Variants in AGPAT1 observed in about 807,000 individuals in gnomAD.
The protein encoded by AGPAT1 is 1-acylglycerol-3-phosphate O-acyltransferase 1, also known as 1-acyl-sn-glycerol-3-phosphate acyltransferase alpha.
AGPAT1 carries 6 observed loss-of-function variants against 31.2 expected under a neutral mutation model. That is an observed-to-expected ratio of 0.19 (90% confidence interval 0.11 to 0.38). The LOEUF is 0.38. Among genes scored for constraint, AGPAT1 ranks in the 10% least tolerant of loss-of-function variants. AGPAT1 has a pLI of 1.00. For synonymous variants in AGPAT1, 139 were observed against 154.0 expected, an observed-to-expected ratio of 0.90 and a Z score of 0.72; for missense variants, 187 against 377.8, an observed-to-expected ratio of 0.49 and a Z score of 4.19.
At position 32,168,740 on chromosome 6, in the gene AGPAT1, G is replaced by A. The variant is rs1358232220; in HGVS notation, c.*536C>T. 6.4e-6 allele frequency: 1 copy of A among 155,376 alleles called. No homozygotes were observed. The highest frequency in any genetic ancestry group is 1.4e-5 in the Non-Finnish European group (1 of 69,978). 9.6% of individuals were successfully genotyped at this position (155,376 alleles called of 1,614,324 possible). On this transcript the variant is annotated 3_prime_UTR_variant, in exon 7 of 7. Coordinates refer to ENST00000375107, the MANE Select transcript of AGPAT1 (RefSeq NM_006411.4). The surrounding 1 kb of genome is among the most constrained non-coding windows in gnomAD (Gnocchi z 4.5). ...CACTGACAGGAGGCTACACTGGGAG[G>A]GAAGGTGAAGGTGCTGAGGAAAGCT...
chr6:32,170,638 G>C lies in AGPAT1; in HGVS notation c.335-38C>G. ...GGGAGTGGGTGAGGATCGGGGTGGAGGCAGAGTGTCACAGAAGGCAACCCA... is the reference window on the plus strand; with the variant it reads ...GGGAGTGGGTGAGGATCGGGGTGGACGCAGAGTGTCACAGAAGGCAACCCA... On this transcript the variant is annotated intron_variant, in intron 3 of 6. Coordinates refer to ENST00000375107, the MANE Select transcript of AGPAT1 (RefSeq NM_006411.4). The surrounding 1 kb of genome is among the most constrained non-coding windows in gnomAD (Gnocchi z 7.7). 6.2e-7 allele frequency: 1 copy of C among 1,602,860 alleles called. No individual in the cohort carries two copies. Among genetic ancestry groups the C allele is most frequent in the Non-Finnish European group, 8.5e-7 (1 of 1,178,076 alleles).
At position 32,175,839 on chromosome 6, in the gene AGPAT1, G is replaced by A; in HGVS notation, c.-35C>T. On this transcript the variant is annotated 5_prime_UTR_variant, in exon 1 of 7. Coordinates refer to ENST00000375107, the MANE Select transcript of AGPAT1 (RefSeq NM_006411.4). The surrounding 1 kb of genome is among the most constrained non-coding windows in gnomAD (Gnocchi z 4.5). ...CTCAGAGGGGTAGGGGGCCTGGGGGGCTGGCCCCCTCCCCAGCCAGGCTGC... is the reference window on the plus strand; with the variant it reads ...CTCAGAGGGGTAGGGGGCCTGGGGGACTGGCCCCCTCCCCAGCCAGGCTGC... The A allele has an allele frequency of 6.1e-6, 6 of 985,966 alleles. No homozygotes were observed. The highest frequency in any genetic ancestry group is 7.2e-6 in the Non-Finnish European group (6 of 830,354). The allele number at this position is 985,966 out of a possible 1,614,324, so 61.1% of individuals were successfully genotyped here.
In AGPAT1 at chr6:32,168,250, C is replaced by G; in HGVS notation, c.*1026G>C. Reference sequence around the variant, plus strand: ...TTATTTTCAGTTTTTTTGCTGTTATCCAGATAATTAATAAAAACCAACCAC... The same window carrying G: ...TTATTTTCAGTTTTTTTGCTGTTATGCAGATAATTAATAAAAACCAACCAC... On this transcript the variant is annotated 3_prime_UTR_variant, in exon 7 of 7. Coordinates refer to ENST00000375107, the MANE Select transcript of AGPAT1 (RefSeq NM_006411.4). The surrounding 1 kb of genome is among the most constrained non-coding windows in gnomAD (Gnocchi z 4.5). 1 of 430,836 alleles carries G rather than the reference C, an allele frequency of 2.3e-6. No homozygotes were observed. Among genetic ancestry groups the G allele is most frequent in the East Asian group, 3.6e-5 (1 of 27,752 alleles). The allele number at this position is 430,836 out of a possible 1,614,324, so 26.7% of individuals were successfully genotyped here.
rs2127415918 is a variant in AGPAT1 at position 32,171,582 on chromosome 6, C to T, written c.-9-77G>A. On this transcript the variant is annotated intron_variant, in intron 1 of 6. Coordinates refer to ENST00000375107, the MANE Select transcript of AGPAT1 (RefSeq NM_006411.4). This position sits in a 1 kb window ranked among gnomAD's most constrained non-coding sequence, Gnocchi z 6.9. ...GGTAGGCAAGGCACAGAAGGCAGGG[C>T]TGGGGGCTGGTGCTATGAGGACAAG... 2 of 1,518,990 alleles carry T rather than the reference C, an allele frequency of 1.3e-6. No homozygotes were observed. Among genetic ancestry groups the T allele is most frequent in the South Asian group, 2.4e-5 (2 of 82,562 alleles). The allele number at this position is 1,518,990 out of a possible 1,614,324, so 94.1% of individuals were successfully genotyped here. A position where few individuals can be genotyped will look rare whatever the true frequency, so the allele number is the denominator to read the frequency against.
chr6:32,169,559 C>A lies in AGPAT1; in HGVS notation c.680-111G>T. ...CAACCTTTCAGTTCTCTTCCCCCAACCCTGGACAACCATCCCTGGGCTTGC... is the reference window on the plus strand; with the variant it reads ...CAACCTTTCAGTTCTCTTCCCCCAAACCTGGACAACCATCCCTGGGCTTGC... On this transcript the variant is annotated intron_variant, in intron 6 of 6. Coordinates refer to ENST00000375107, the MANE Select transcript of AGPAT1 (RefSeq NM_006411.4). This position sits in a 1 kb window ranked among gnomAD's most constrained non-coding sequence, Gnocchi z 5.9. The A allele has an allele frequency of 7.5e-7, 1 of 1,336,716 alleles. No homozygotes were observed. Among genetic ancestry groups the A allele is most frequent in the Admixed American group, 2.1e-5 (1 of 47,950 alleles). The allele number at this position is 1,336,716 out of a possible 1,614,324, so 82.8% of individuals were successfully genotyped here.
In AGPAT1 at chr6:32,170,371, A is replaced by G; in HGVS notation, c.510+54T>C. On this transcript the variant is annotated intron_variant, in intron 4 of 6. Coordinates refer to ENST00000375107, the MANE Select transcript of AGPAT1 (RefSeq NM_006411.4). This position sits in a 1 kb window ranked among gnomAD's most constrained non-coding sequence, Gnocchi z 7.7. The stretch of plus-strand genomic sequence containing the variant: ...ACTGGCCCTGCATATCAGTTTATTT[A>G]CAACTGTTCTACTCTGTATCCCTCC... The G allele has an allele frequency of 6.2e-7, 1 of 1,612,564 alleles. No homozygotes were observed. Among genetic ancestry groups the G allele is most frequent in the Middle Eastern group, 1.7e-4 (1 of 6,060 alleles).
chr6:32,176,495 C>A (rs1582680397), upstream of AGPAT1: 4 of 985,520 alleles, frequency 4.1e-6, no homozygotes, highest in East Asian at 1.1e-4. Context: ...AAACATTTAT[C>A]AAGCATCTAC....
Position 32,174,371 on chromosome 6 carries a change from G to C in AGPAT1, c.-10+1443C>G, listed in dbSNP as rs563827769. 6.6e-6 allele frequency among the ~76,000 whole-genome samples: 1 copy of C among 152,142 alleles called. No homozygotes were observed. Among genetic ancestry groups the C allele is most frequent in the African/African-American group, 2.4e-5 (1 of 41,414 alleles). On this transcript the variant is annotated intron_variant, in intron 1 of 6. Transcript: ENST00000375107. This position sits in a 1 kb window ranked among gnomAD's most constrained non-coding sequence, Gnocchi z 4.5. The stretch of plus-strand genomic sequence containing the variant: ...GAACACACCAAGCCTAATGGTAACC[G>C]ACTCTGAATAGATACATGCAATACA...
chr6:32,171,576 G>A lies in AGPAT1; in HGVS notation c.-9-71C>T. On this transcript the variant is annotated intron_variant, in intron 1 of 6. Coordinates refer to ENST00000375107, the MANE Select transcript of AGPAT1 (RefSeq NM_006411.4). This position sits in a 1 kb window ranked among gnomAD's most constrained non-coding sequence, Gnocchi z 6.9. ...GAGTGGGGTAGGCAAGGCACAGAAG[G>A]CAGGGCTGGGGGCTGGTGCTATGAG... 1 of 1,525,276 alleles carries A rather than the reference G, an allele frequency of 6.6e-7. No homozygotes were observed. The highest frequency in any genetic ancestry group is 8.8e-7 in the Non-Finnish European group (1 of 1,139,692). 94.5% of individuals were successfully genotyped at this position (1,525,276 alleles called of 1,614,324 possible). A position where few individuals can be genotyped will look rare whatever the true frequency, so the allele number is the denominator to read the frequency against.
Position 32,171,183 on chromosome 6 carries a change from C to G in AGPAT1, c.201-113G>C. ...CACCTTTGCAGTCCTCTCCCCATTC[C>G]CTGTCTCTGGTCTCTCTCAGTCTTT... On this transcript the variant is annotated intron_variant, in intron 2 of 6. Coordinates refer to ENST00000375107, the MANE Select transcript of AGPAT1 (RefSeq NM_006411.4). This position sits in a 1 kb window ranked among gnomAD's most constrained non-coding sequence, Gnocchi z 6.9. The G allele has an allele frequency of 4.4e-6, 7 of 1,591,864 alleles. No individual in the cohort carries two copies. In the South Asian group the frequency reaches 4.5e-5, roughly 10 times the overall value.
At position 32,173,323 on chromosome 6, in the gene AGPAT1, G is replaced by T. The variant is rs187348413; in HGVS notation, c.-9-1818C>A. On this transcript the variant is annotated intron_variant, in intron 1 of 6. Transcript: ENST00000375107. This position sits in a 1 kb window ranked among gnomAD's most constrained non-coding sequence, Gnocchi z 4.7. ...AGGTAAGCCTATTGCCAAGCGAGAA[G>T]GTAACAGGCAATAGAGGAAACAGGA... Among the ~76,000 whole-genome samples, 1 of 152,188 alleles carries T rather than the reference G, an allele frequency of 6.6e-6. No homozygotes were observed. The highest frequency in any genetic ancestry group is 2.4e-5 in the African/African-American group (1 of 41,448).
rs1784812682 is a variant in AGPAT1 at position 32,169,077 on chromosome 6, G to C, written c.*199C>G. The C allele has an allele frequency of 1.6e-6, 1 of 614,978 alleles. No homozygotes were observed. The highest frequency in any genetic ancestry group is 2.8e-6 in the Non-Finnish European group (1 of 354,126). The allele number at this position is 614,978 out of a possible 1,614,324, so 38.1% of individuals were successfully genotyped here. On this transcript the variant is annotated 3_prime_UTR_variant, in exon 7 of 7. Coordinates refer to ENST00000375107, the MANE Select transcript of AGPAT1 (RefSeq NM_006411.4). This position sits in a 1 kb window ranked among gnomAD's most constrained non-coding sequence, Gnocchi z 5.9. ...AAGAGTGGAGACTGCACCGAGGCAA[G>C]AGTCCATGGATGGGGCCAAGAGGGG...
chr6:32,176,105 C>CA, upstream of AGPAT1: 1 of 985,666 alleles, frequency 1.0e-6, no homozygotes, highest in Non-Finnish European at 1.2e-6. Flanking sequence ...CACCCCTCCC[C>CA]AACGCCTGCT....
Position 32,171,442 on chromosome 6 carries a change from G to A in AGPAT1, c.55C>T (p.Leu19Phe). 1 of 1,612,418 alleles carries A rather than the reference G, an allele frequency of 6.2e-7. No individual in the cohort carries two copies. Among genetic ancestry groups the A allele is most frequent in the East Asian group, 2.2e-5 (1 of 44,882 alleles). Residue 19 changes from leucine to phenylalanine, a missense_variant, in exon 2 of 7, where the codon CTC becomes TTC. By Grantham distance (22) the Leu-to-Phe change is conservative (BLOSUM62 0). Coordinates refer to ENST00000375107, the MANE Select transcript of AGPAT1 (RefSeq NM_006411.4). The surrounding 1 kb of genome is among the most constrained non-coding windows in gnomAD (Gnocchi z 6.9). ...MLLLLLFLLLLFLLPTLWFCS... is the reference protein window; with the variant it reads ...MLLLLLFLLLFFLLPTLWFCS... Reference sequence around the variant, plus strand: ...AACCACAGGGTGGGCAGCAGGAAGAGCAGCAGCAGGAAGAGCAGCAGCAGC... The same window carrying A: ...AACCACAGGGTGGGCAGCAGGAAGAACAGCAGCAGGAAGAGCAGCAGCAGC...
In AGPAT1 at chr6:32,175,372, G is replaced by A. The variant is rs1044074901; in HGVS notation, c.-10+442C>T. Among the ~76,000 whole-genome samples the A allele has an allele frequency of 6.6e-6, 1 of 152,154 alleles. No homozygotes were observed. Among genetic ancestry groups the A allele is most frequent in the Non-Finnish European group, 1.5e-5 (1 of 68,030 alleles). On this transcript the variant is annotated intron_variant, in intron 1 of 6. Transcript: ENST00000375107. The surrounding 1 kb of genome is among the most constrained non-coding windows in gnomAD (Gnocchi z 4.5). ...CATAAGGCATTTGTGTGTCAGTAAG[G>A]GTCTAGCAGTGTGGAAGGCCACTGA...
chr6:32,178,054 G>T (rs1785739871), upstream of AGPAT1: 1 of 152,672 alleles, frequency 6.5e-6, no homozygotes, highest in Admixed American at 6.5e-5. Context: ...GGAGCCATAC[G>T]CTCCAAAGTC....
In AGPAT1 at chr6:32,168,680, G is replaced by C. The variant is rs1001325703; in HGVS notation, c.*596C>G. The C allele has an allele frequency of 6.5e-6, 1 of 154,778 alleles. No homozygotes were observed. Among genetic ancestry groups the C allele is most frequent in the African/African-American group, 2.4e-5 (1 of 41,454 alleles). 9.6% of individuals were successfully genotyped at this position (154,778 alleles called of 1,614,324 possible). On this transcript the variant is annotated 3_prime_UTR_variant, in exon 7 of 7. Coordinates refer to ENST00000375107, the MANE Select transcript of AGPAT1 (RefSeq NM_006411.4). The surrounding 1 kb of genome is among the most constrained non-coding windows in gnomAD (Gnocchi z 4.5). ...GACCCTGGGCATCTGGGCAAGGGCAGGCATGAGACCTCTGAATTAGAAGGG... is the reference window on the plus strand; with the variant it reads ...GACCCTGGGCATCTGGGCAAGGGCACGCATGAGACCTCTGAATTAGAAGGG...
chr6:32,171,626 G>A lies in AGPAT1; in HGVS notation c.-9-121C>T. 1 of 1,351,318 alleles carries A rather than the reference G, an allele frequency of 7.4e-7. No individual in the cohort carries two copies. The highest frequency in any genetic ancestry group is 1.0e-6 in the Non-Finnish European group (1 of 999,076). The allele number at this position is 1,351,318 out of a possible 1,614,324, so 83.7% of individuals were successfully genotyped here. A position where few individuals can be genotyped will look rare whatever the true frequency, so the allele number is the denominator to read the frequency against. ...GGACAAGGGCCTGAGACACAAACTG[G>A]GGCAGGGGTCTCATTGAAACCTTCC... On this transcript the variant is annotated intron_variant, in intron 1 of 6. Transcript: ENST00000375107. The surrounding 1 kb of genome is among the most constrained non-coding windows in gnomAD (Gnocchi z 6.9).
upstream of AGPAT1, chr6:32,176,636 C>T: frequency 2.3e-6 from 1 of 432,644 alleles, no homozygotes; most frequent in Non-Finnish European, 3.1e-6. Context: ...CCCAGCAGTC[C>T]AGCTCCCCCC....
Sources: gnomAD v4.1 joint callset for allele counts (sites outside exome capture counted in the v4.1 genomes callset) on GRCh38, gnomAD v4.1.1 for gene constraint, Gnocchi (gnomAD v3.1) non-coding constraint, MANE v1.5 for transcripts, NCBI Gene and HGNC (gene_info 2026-07-23, HGNC 2026-07-21) for gene names.